NUDT5: variants seen among roughly 807,000 people sequenced by gnomAD.
The protein encoded by NUDT5 is ADP-sugar pyrophosphatase.
Under a neutral mutation model 34.1 loss-of-function variants are expected in NUDT5, and 21 were observed. The ratio of observed to expected loss-of-function variants is 0.62; its 90% CI spans 0.44 to 0.89. The LOEUF is 0.89. NUDT5 is among the 40% of genes least tolerant of loss of function. The probability of loss-of-function intolerance (pLI) is 0.00; values close to 1 mark genes in which losing one functional copy is unlikely to be tolerated. For synonymous variants in NUDT5, 85 were observed against 97.6 expected, an observed-to-expected ratio of 0.87 and a Z score of 0.76; for missense variants, 249 against 274.8, an observed-to-expected ratio of 0.91 and a Z score of 0.66.
At position 12,182,274 on chromosome 10, in the gene NUDT5, G is replaced by A. The variant is rs2131710051; in HGVS notation, c.131+2615C>T. On this transcript the variant is annotated intron_variant, in intron 3 of 9. Coordinates refer to ENST00000491614, the MANE Select transcript of NUDT5 (RefSeq NM_014142.4). The surrounding 1 kb of genome is among the most constrained non-coding windows in gnomAD (Gnocchi z 4.3). ...GAGTCAGGTGTGGAATTCTCCAGCT[G>A]GGGCATCATGTTGGCAATGAAAAGG... is the stretch of plus-strand genomic sequence containing the variant. 6.6e-6 allele frequency among the ~76,000 whole-genome samples: 1 copy of A among 152,296 alleles called. No homozygotes were observed.
At position 12,182,133 on chromosome 10, in the gene NUDT5, TAA is replaced by T. The variant is rs60807905; in HGVS notation, c.131+2754_131+2755del. Among the ~76,000 whole-genome samples the T allele has an allele frequency of 4.8e-4, 61 of 126,264 alleles. No homozygotes were observed. The highest frequency in any genetic ancestry group is 5.4e-4 in the Non-Finnish European group (33 of 60,870). 82.8% of individuals were successfully genotyped at this position (126,264 alleles called of 152,430 possible). On this transcript the variant is annotated intron_variant, in intron 3 of 9. Coordinates refer to ENST00000491614, the MANE Select transcript of NUDT5 (RefSeq NM_014142.4). The surrounding 1 kb of genome is among the most constrained non-coding windows in gnomAD (Gnocchi z 4.3). ...AACAGAACAAGACTCTGTCTCAGGG[TAA>T]AAAAAAAAAAAAAGAAGGATATAGC...
chr10:12,191,378 G>A (rs763294377), intron 1 of NUDT5, among the ~76,000 whole-genome samples: 1 of 151,254 alleles, frequency 6.6e-6, no homozygotes, highest in African/African-American at 2.4e-5. Context: ...GCAAGACTCC[G>A]TCTCAAAAAC....
At position 12,171,431 on chromosome 10, in the gene NUDT5, C is replaced by T. The variant is rs1249974664; in HGVS notation, c.488-523G>A. The stretch of plus-strand genomic sequence containing the variant: ...CCCATCATGTTATCGCATGTTTCAG[C>T]GTGTATGTGTGTTTGTGTGTATACC... On this transcript the variant is annotated intron_variant, in intron 7 of 9. Transcript: ENST00000491614. The surrounding 1 kb of genome is among the most constrained non-coding windows in gnomAD (Gnocchi z 4.2). 6.6e-6 allele frequency among the ~76,000 whole-genome samples: 1 copy of T among 152,134 alleles called. No homozygotes were observed. The highest frequency in any genetic ancestry group is 2.1e-4 in the South Asian group (1 of 4,830).
intron 1 of NUDT5, among the ~76,000 whole-genome samples, chr10:12,192,234 G>A (rs1252482437): frequency 6.6e-6 from 1 of 151,790 alleles, no homozygotes; most frequent in African/African-American, 2.4e-5. Context: ...AACGAGGGAG[G>A]TGGAGGTTGC....
At chr10:12,172,622 G>C in intron 7 of NUDT5, 143 bp downstream of exon 7, 1 of 621,252 alleles carries the variant, frequency 1.6e-6, no homozygotes, top group Admixed American at 2.8e-5. Flanking sequence ...ATTAGGAAGA[G>C]AGACAAGAAT....
At chr10:12,178,997 A>G in intron 4 of NUDT5, 86 bp downstream of exon 4, 1 of 1,084,024 alleles carries the variant, frequency 9.2e-7, no homozygotes, top group Non-Finnish European at 1.4e-6. Context: ...TCCTAATAGA[A>G]GTTAACTTGG....
At chr10:12,195,231 T>G (rs1835313884) in intron 1 of NUDT5, among the ~76,000 whole-genome samples, 1 of 152,158 alleles carries the variant, frequency 6.6e-6, no homozygotes, top group Non-Finnish European at 1.5e-5. Flanking sequence ...CTTTGCTGGG[T>G]GACAGGAGTG....
chr10:12,167,887 G>T, intron 9 of NUDT5, 76 bp from the exon 10 acceptor site: 1 of 1,591,480 alleles, frequency 6.3e-7, no homozygotes, highest in Non-Finnish European at 8.5e-7. Context: ...CAGTGTTTGC[G>T]CAGCAGGTAC....
chr10:12,185,634 G>A (rs1588661208), intron 2 of NUDT5, among the ~76,000 whole-genome samples: 1 of 152,232 alleles, frequency 6.6e-6, no homozygotes, highest in Non-Finnish European at 1.5e-5. Flanking sequence ...CTTGCCAGCA[G>A]CAACCTAATC....
At chr10:12,176,691 A>G (rs1834955395) in intron 5 of NUDT5, among the ~76,000 whole-genome samples, 1 of 152,260 alleles carries the variant, frequency 6.6e-6, no homozygotes, top group South Asian at 2.1e-4. Flanking sequence ...AAGTCCTACA[A>G]TAATATAGGG....
chr10:12,167,842 A>T, intron 9 of NUDT5, 31 bp from the exon 10 acceptor site: 6 of 1,611,232 alleles, frequency 3.7e-6, no homozygotes, highest in Non-Finnish European at 5.1e-6. Flanking sequence ...AACTTAGATC[A>T]TGCCGTTAAG....
At chr10:12,192,843 T>C (rs1211743402) in intron 1 of NUDT5, among the ~76,000 whole-genome samples, 1 of 152,082 alleles carries the variant, frequency 6.6e-6, no homozygotes, top group Non-Finnish European at 1.5e-5. Flanking sequence ...AGAGCGAGAC[T>C]CTGTCTCAAA....
chr10:12,184,871 GAA>G lies in NUDT5; in HGVS notation c.131+16_131+17del, dbSNP rs34162051. The G allele has an allele frequency of 2.3e-4, 270 of 1,150,988 alleles. No homozygotes were observed. The highest frequency in any genetic ancestry group is 3.0e-4 in the Non-Finnish European group (254 of 839,162). The allele number at this position is 1,150,988 out of a possible 1,614,324, so 71.3% of individuals were successfully genotyped here. A position where few individuals can be genotyped will look rare whatever the true frequency, so the allele number is the denominator to read the frequency against. The stretch of plus-strand genomic sequence containing the variant: ...AACCCAAATAACGAACATTTTGTAA[GAA>G]AAAAAAAAAGTTTACCTAGTTTTAC... On this transcript the variant is annotated intron_variant, in intron 3 of 9. Coordinates refer to ENST00000491614, the MANE Select transcript of NUDT5 (RefSeq NM_014142.4).
At position 12,167,387 on chromosome 10, in the gene NUDT5, C is replaced by T; in HGVS notation, c.*315G>A. ...GAGAACTCAGGTCTATTTCTCTATA[C>T]AAATACCCCTGTCTACCAGACTGGA... On this transcript the variant is annotated 3_prime_UTR_variant, in exon 10 of 10. Transcript: ENST00000491614. 3.9e-6 allele frequency: 1 copy of T among 255,514 alleles called. No homozygotes were observed. Among genetic ancestry groups the T allele is most frequent in the South Asian group, 4.7e-5 (1 of 21,370 alleles). 15.8% of individuals were successfully genotyped at this position (255,514 alleles called of 1,614,324 possible). A position where few individuals can be genotyped will look rare whatever the true frequency, so the allele number is the denominator to read the frequency against.
intron 3 of NUDT5, among the ~76,000 whole-genome samples, chr10:12,184,000 T>C (rs1467224046): frequency 6.6e-6 from 1 of 152,242 alleles, no homozygotes; most frequent in Non-Finnish European, 1.5e-5. Flanking sequence ...ACATTTTCTA[T>C]ACATAAATTT....
At chr10:12,185,955 TTTC>T (rs1456739780) in intron 2 of NUDT5, among the ~76,000 whole-genome samples, 1 of 151,770 alleles carries the variant, frequency 6.6e-6, no homozygotes, top group Non-Finnish European at 1.5e-5. Context: ...GCATATATTC[TTTC>T]TTCTTCTATC....
intron 3 of NUDT5, chr10:12,180,318 C>T (rs1835023246): frequency 6.6e-6 from 1 of 152,200 alleles, no homozygotes; most frequent in South Asian, 2.1e-4. Context: ...AGCAGCCCAA[C>T]ATTCCTGTTA....
chr10:12,184,536 AT>A, intron 3 of NUDT5: 1 of 1,535,880 alleles, frequency 6.5e-7, no homozygotes. Flanking sequence ...ATTTCTTCTA[AT>A]TTAGAAATTA....
Position 12,186,261 on chromosome 10 carries a change from G to C in NUDT5, c.31C>G (p.Gln11Glu). Residue 11 changes from glutamine to glutamate, a missense_variant, in exon 2 of 10, where the codon CAG (glutamine) becomes GAG (glutamate). Physicochemically the swap from Gln to Glu is conservative, Grantham distance 29. Coordinates refer to ENST00000491614, the MANE Select transcript of NUDT5 (RefSeq NM_014142.4). ...GAAATGATATACTGTTTGCCATTCTGAGAAGATTCCGTTGGTTCTTGGCTC... is the reference window on the plus strand; with the variant it reads ...GAAATGATATACTGTTTGCCATTCTCAGAAGATTCCGTTGGTTCTTGGCTC... MESQEPTESS[Q>E]NGKQYIISEE... 1 of 1,613,970 alleles carries C rather than the reference G, an allele frequency of 6.2e-7. No individual in the cohort carries two copies. Among genetic ancestry groups the C allele is most frequent in the Non-Finnish European group, 8.5e-7 (1 of 1,179,800 alleles).
Sources: allele counts gnomAD v4.1 joint callset (sites outside exome capture counted in the v4.1 genomes callset), GRCh38; gene constraint gnomAD v4.1.1; non-coding constraint Gnocchi (gnomAD v3.1); transcripts MANE v1.5; gene names NCBI Gene and HGNC (gene_info 2026-07-23, HGNC 2026-07-21).